GPATCH1: variants seen among roughly 807,000 people sequenced by gnomAD.
The protein encoded by GPATCH1 is G patch domain-containing protein 1.
Under a neutral mutation model 114.9 loss-of-function variants are expected in GPATCH1, and 73 were observed. That is an observed-to-expected ratio of 0.64 (90% CI 0.53 to 0.77). The LOEUF (loss-of-function observed/expected upper bound fraction) is 0.77, where lower values mean the gene tolerates loss of function less well. Among genes scored for constraint, GPATCH1 ranks in the 30% least tolerant of loss-of-function variants. The pLI is 0.00. For synonymous variants in GPATCH1, 391 were observed against 428.4 expected, an observed-to-expected ratio of 0.91 and a Z score of 1.08; for missense variants, 1,058 against 1,144.3, an observed-to-expected ratio of 0.92 and a Z score of 1.09.
chr19:33,093,443 AAG>A lies in GPATCH1; in HGVS notation c.380_381del (p.Lys127SerfsTer2). 1 of 1,614,012 alleles carries A rather than the reference AAG, an allele frequency of 6.2e-7. No individual in the cohort carries two copies. The highest frequency in any genetic ancestry group is 8.5e-7 in the Non-Finnish European group (1 of 1,179,940). On this transcript the variant is annotated frameshift_variant, in exon 4 of 20. Transcript: ENST00000170564. LOFTEE classifies it high-confidence loss of function. ...ASKTKDRIRE[K>X]ARQLAAATAP... is the part of the protein sequence containing the mutation. ...CAAAACCAAAGACAGAATACGAGAA[AAG>A]GCTAGGCAGTTGGCCGCTGCTACTG...
intron 17 of GPATCH1, among the ~76,000 whole-genome samples, chr19:33,119,357 G>A (rs560805747): frequency 1.3e-5 from 2 of 152,236 alleles, no homozygotes; most frequent in East Asian, 1.9e-4. Context: ...AGGGTCCTAA[G>A]TATCTTAAGT....
intron 3 of GPATCH1, 78 bp from the exon 4 acceptor site, chr19:33,093,281 T>A (rs976216261): frequency 5.3e-6 from 5 of 951,666 alleles, no homozygotes; most frequent in African/African-American, 1.7e-5. Flanking sequence ...TTTTTTTTTT[T>A]AACAGAAATA....
chr19:33,082,264 G>A (rs973244764), intron 1 of GPATCH1, among the ~76,000 whole-genome samples: 5 of 152,162 alleles, frequency 3.3e-5, no homozygotes, highest in African/African-American at 1.2e-4. Context: ...TCCACTTAAC[G>A]ACTTGACTTG....
At chr19:33,110,083 C>G in intron 11 of GPATCH1, 67 bp downstream of exon 11, 1 of 1,321,588 alleles carries the variant, frequency 7.6e-7, no homozygotes, top group Non-Finnish European at 1.0e-6. Flanking sequence ...TGTTCTCATC[C>G]TAGACCCATA....
intron 17 of GPATCH1, among the ~76,000 whole-genome samples, chr19:33,124,428 G>GAT (rs1454909720): frequency 6.6e-6 from 1 of 152,062 alleles, no homozygotes; most frequent in Admixed American, 6.6e-5. Context: ...TCCTGCCTGG[G>GAT]CCTCCCAAAG....
chr19:33,125,779 T>C (rs1973034772), intron 18 of GPATCH1, among the ~76,000 whole-genome samples: 1 of 152,224 alleles, frequency 6.6e-6, no homozygotes, highest in African/African-American at 2.4e-5. Context: ...TTATTTCTTA[T>C]TTATTCAATG....
intron 11 of GPATCH1, 43 bp downstream of exon 11, chr19:33,110,059 G>A: frequency 6.6e-7 from 1 of 1,506,964 alleles, no homozygotes; most frequent in Non-Finnish European, 9.0e-7. Flanking sequence ...GCCCGGGCGG[G>A]GTCATATTCT....
intron 3 of GPATCH1, among the ~76,000 whole-genome samples, chr19:33,092,484 C>G (rs1337533416): frequency 6.6e-6 from 1 of 152,222 alleles, no homozygotes; most frequent in East Asian, 1.9e-4. Flanking sequence ...ATCAAAATGA[C>G]TGGCTTAGAT....
At chr19:33,105,867 G>A (rs976898035) in intron 9 of GPATCH1, among the ~76,000 whole-genome samples, 32 of 149,872 alleles carry the variant, frequency 2.1e-4, no homozygotes, top group Non-Finnish European at 3.3e-4. Context: ...TGTTTGAGAC[G>A]GAGTCTCGCT....
At chr19:33,113,580 A>C (rs1972881709) in intron 13 of GPATCH1, 187 bp from the exon 14 acceptor site, 3 of 544,304 alleles carry the variant, frequency 5.5e-6, no homozygotes, top group Admixed American at 6.9e-5. Context: ...TCCTTATCAT[A>C]ATAAGGAAAA....
At chr19:33,089,026 C>A (rs1275360531) in intron 2 of GPATCH1, among the ~76,000 whole-genome samples, 2 of 152,166 alleles carry the variant, frequency 1.3e-5, no homozygotes, top group Non-Finnish European at 2.9e-5. Flanking sequence ...CAACTTGTAT[C>A]TTGTTCATTG....
intron 15 of GPATCH1, among the ~76,000 whole-genome samples, chr19:33,115,293 C>T (rs1972905883): frequency 8.3e-6 from 1 of 121,116 alleles, no homozygotes; most frequent in Non-Finnish European, 1.6e-5. Context: ...CCAGGTTGGT[C>T]TCAAACTTCT....
At chr19:33,086,731 C>T (rs1972537950) in intron 1 of GPATCH1, among the ~76,000 whole-genome samples, 2 of 152,152 alleles carry the variant, frequency 1.3e-5, no homozygotes, top group African/African-American at 4.8e-5. Flanking sequence ...GCTGGGATTA[C>T]AGGCATGAGT....
rs149762360 is a variant in GPATCH1, at chr19:33,118,479, G to A, written c.2413+438G>A. On this transcript the variant is annotated intron_variant, in intron 16 of 19. Coordinates refer to ENST00000170564, the MANE Select transcript of GPATCH1 (RefSeq NM_018025.3). ...CAGGCATAATCCCAGTGCCCGGCTAGTTTTCCAGACTTTTAAAATTTTTAT... is the reference window on the plus strand; with the variant it reads ...CAGGCATAATCCCAGTGCCCGGCTAATTTTCCAGACTTTTAAAATTTTTAT... Among the ~76,000 whole-genome samples the A allele has an allele frequency of 7.1e-3, 1,077 of 152,144 alleles. 6 individuals carry two copies. The highest frequency in any genetic ancestry group is 0.02 in the Middle Eastern group (6 of 294).
Position 33,095,789 on chromosome 19 carries a change from C to T in GPATCH1, c.581C>T (p.Ala194Val), listed in dbSNP as rs1972650936. The T allele has an allele frequency of 1.9e-6, 3 of 1,611,200 alleles. No individual in the cohort carries two copies. Among genetic ancestry groups the T allele is most frequent in the Non-Finnish European group, 2.5e-6 (3 of 1,177,558 alleles). ...CCTGGAGTCAAAATCTATGGCTGTG[C>T]ATTACCCCCTGGAAGCTCGGAAGGA... Reference protein sequence around the residue: ...PDPGVKIYGCALPPGSSEGSE... With the variant: ...PDPGVKIYGCVLPPGSSEGSE... The change falls in exon 6 of 20, where the codon GCA becomes GTA. Residue 194 changes from alanine to valine, a missense_variant. Ala to Val is a moderately conservative substitution (Grantham distance 64). Transcript: ENST00000170564.
At chr19:33,095,380 G>A (rs969704644) in intron 5 of GPATCH1, among the ~76,000 whole-genome samples, 1 of 150,052 alleles carries the variant, frequency 6.7e-6, no homozygotes. Flanking sequence ...TCCTGCCTCA[G>A]CCTCCTGAGT....
At chr19:33,123,255 C>T (rs1973005526) in intron 17 of GPATCH1, among the ~76,000 whole-genome samples, 1 of 151,690 alleles carries the variant, frequency 6.6e-6, no homozygotes, top group South Asian at 2.1e-4. Context: ...ACAAAATTAG[C>T]CAGGCATGGT....
intron 5 of GPATCH1, 44 bp from the exon 6 acceptor site, chr19:33,095,717 AT>A: frequency 7.2e-7 from 1 of 1,381,282 alleles, no homozygotes. Flanking sequence ...GGGGTTTTCT[AT>A]TTGTAGTCAC....
chr19:33,101,380 C>T, intron 8 of GPATCH1, 115 bp from the exon 9 acceptor site: 1 of 663,120 alleles, frequency 1.5e-6, no homozygotes, highest in South Asian at 1.8e-5. Flanking sequence ...TGAGTGATAG[C>T]ATGTATGACA....
Sources: allele counts gnomAD v4.1 joint callset (sites outside exome capture counted in the v4.1 genomes callset), GRCh38; gene constraint gnomAD v4.1.1; transcripts MANE v1.5; gene names NCBI Gene and HGNC (gene_info 2026-07-23, HGNC 2026-07-21).